Variants in ARAP1 observed in about 807,000 individuals in gnomAD.
The protein encoded by ARAP1 is arf-GAP with Rho-GAP domain, ANK repeat and PH domain-containing protein 1.
ARAP1 carries 76 observed loss-of-function variants against 172.2 expected under a neutral mutation model. The ratio of observed to expected loss-of-function variants is 0.44; its 90% CI spans 0.37 to 0.53. ARAP1 has a LOEUF of 0.53. Among genes scored for constraint, ARAP1 ranks in the 20% least tolerant of loss-of-function variants. ARAP1 has a pLI of 0.00. For missense variants in ARAP1, 1,686 were observed against 1,977.5 expected (o/e 0.85, Z 2.80); for synonymous variants, 804 against 803.3 (o/e 1.00, Z -0.01).
At position 72,685,569 on chromosome 11, in the gene ARAP1, C is replaced by A; in HGVS notation, c.*95G>T. 1 of 1,546,398 alleles carries A rather than the reference C, an allele frequency of 6.5e-7. No individual in the cohort carries two copies. The highest frequency in any genetic ancestry group is 1.1e-5 in the South Asian group (1 of 89,604). On this transcript the variant is annotated 3_prime_UTR_variant, in exon 35 of 35. Transcript: ENST00000393609. Reference sequence around the variant, plus strand: ...TGTGGGGTGCAGTTTCCCATGCACCCCCCGCTGGCTCACATCAGGCCTTGG... The same window carrying A: ...TGTGGGGTGCAGTTTCCCATGCACCACCCGCTGGCTCACATCAGGCCTTGG...
rs757748235 is a variant in ARAP1, at chr11:72,697,373, G to A, written c.2903C>T (p.Ser968Leu). The change falls in exon 21 of 35, where the codon TCG becomes TTG. Residue 968 changes from serine to leucine, a missense_variant. By Grantham distance (145) the Ser-to-Leu change is moderately radical. This residue lies in a region of ARAP1 where 274 missense variants were observed against 262.7 expected (regional missense o/e 1.04). Coordinates refer to ENST00000393609, the MANE Select transcript of ARAP1 (RefSeq NM_001040118.3). ...DTLSEQQLGDSDIPVIVYRCV... is the reference protein window; with the variant it reads ...DTLSEQQLGDLDIPVIVYRCV... Reference sequence around the variant, plus strand: ...GCGGTACACGATCACCGGGATATCCGAGTCCCCAAGCTGCTGCTCCGACAG... The same window carrying A: ...GCGGTACACGATCACCGGGATATCCAAGTCCCCAAGCTGCTGCTCCGACAG... The A allele has an allele frequency of 6.2e-7, 1 of 1,607,326 alleles. No individual in the cohort carries two copies. Among genetic ancestry groups the A allele is most frequent in the Non-Finnish European group, 8.5e-7 (1 of 1,177,188 alleles).
chr11:72,750,285 CGGGCCTGGAGCCCA>C (rs1858494472), intron 1 of ARAP1, among the ~76,000 whole-genome samples: 1 of 152,142 alleles, frequency 6.6e-6, no homozygotes, highest in South Asian at 2.1e-4. Flanking sequence ...GCTGGACAGG[CGGGCCTGGAGCCCA>C]GGGCCTGCCT....
intron 30 of ARAP1, among the ~76,000 whole-genome samples, chr11:72,690,999 G>A (rs894554429): frequency 1.6e-4 from 24 of 152,254 alleles, no homozygotes; most frequent in Non-Finnish European, 4.4e-5. Context: ...GCCTCTGCCA[G>A]GCCAGAGGTG....
intron 1 of ARAP1, among the ~76,000 whole-genome samples, chr11:72,736,771 C>A (rs1858041348): frequency 6.6e-6 from 1 of 152,172 alleles, no homozygotes; most frequent in South Asian, 2.1e-4. Context: ...TGCCTTCGAG[C>A]ACTCCTTGGT....
chr11:72,699,290 T>C lies in ARAP1; in HGVS notation c.2438+127A>G. ...GCCTCAAGAGACTGGAGTCGGCCCTTGTGCAGCCTCCGTTTGCTGTGTGAC... is the reference window on the plus strand; with the variant it reads ...GCCTCAAGAGACTGGAGTCGGCCCTCGTGCAGCCTCCGTTTGCTGTGTGAC... On this transcript the variant is annotated intron_variant, in intron 17 of 34. Transcript: ENST00000393609. The surrounding 1 kb of genome is among the most constrained non-coding windows in gnomAD (Gnocchi z 4.2). 6.8e-7 allele frequency: 1 copy of C among 1,479,524 alleles called. No individual in the cohort carries two copies. The highest frequency in any genetic ancestry group is 9.2e-7 in the Non-Finnish European group (1 of 1,092,334). The allele number at this position is 1,479,524 out of a possible 1,614,324, so 91.6% of individuals were successfully genotyped here.
intron 1 of ARAP1, among the ~76,000 whole-genome samples, chr11:72,744,884 C>A (rs141334682): frequency 6.6e-6 from 1 of 152,332 alleles, no homozygotes; most frequent in East Asian, 1.9e-4. Context: ...CCCCCTGGAT[C>A]TTCAGACTCC....
intron 3 of ARAP1, among the ~76,000 whole-genome samples, chr11:72,719,778 C>T (rs997504382): frequency 1.5e-4 from 23 of 152,166 alleles, no homozygotes; most frequent in Non-Finnish European, 1.5e-4. Flanking sequence ...TGGACTCACC[C>T]CACTACTCAC....
At position 72,712,549 on chromosome 11, in the gene ARAP1, C is replaced by T. The variant is rs200662872; in HGVS notation, c.767G>A (p.Arg256Gln). 1.1e-4 allele frequency: 176 copies of T among 1,613,240 alleles called. No homozygotes were observed. The East Asian group carries it at 2.4e-3, about 22-fold the overall frequency. ...GGCCACGCGCACGGCCCGTGGGACT[C>T]GGCTCGGTGGGGGCTCCTCCTGCCC... ...MTKKEEPPPS[R>Q]VPRAVRVASL... The change falls in exon 6 of 35, where the codon CGA becomes CAA. Residue 256 changes from arginine (R) to glutamine (Q), a missense_variant. By Grantham distance (43) the Arg-to-Gln change is conservative (BLOSUM62 1). Around this residue, in one of 5 missense-constraint regions of ARAP1, gnomAD observed 155 missense variants for 129.2 expected, o/e 1.20. Coordinates refer to ENST00000393609, the MANE Select transcript of ARAP1 (RefSeq NM_001040118.3).
At chr11:72,687,174 T>G (rs1855726980) in intron 33 of ARAP1, 2 of 528,028 alleles carry the variant, frequency 3.8e-6, no homozygotes, top group Non-Finnish European at 6.9e-6. Context: ...AACTGGCCAC[T>G]TCTGAGTCTG....
chr11:72,687,351 G>A (rs1855735454), intron 33 of ARAP1, 88 bp downstream of exon 33: 1 of 1,523,192 alleles, frequency 6.6e-7, no homozygotes, highest in African/African-American at 1.4e-5. Context: ...CAAGGGGTGG[G>A]TTGAATAGCA....
rs1856034693 is a variant in ARAP1 at position 72,693,568 on chromosome 11, C to T, written c.3809-98G>A. 2 of 1,539,526 alleles carry T rather than the reference C, an allele frequency of 1.3e-6. No individual in the cohort carries two copies. The highest frequency in any genetic ancestry group is 1.2e-5 in the South Asian group (1 of 81,016). On this transcript the variant is annotated intron_variant, in intron 28 of 34. Coordinates refer to ENST00000393609, the MANE Select transcript of ARAP1 (RefSeq NM_001040118.3). The surrounding 1 kb of genome is among the most constrained non-coding windows in gnomAD (Gnocchi z 4.6). Reference sequence around the variant, plus strand: ...GCTGCCCCATCCTGCCCCAGCCTCTCCATAGAGGCCCACCCACTTGGCGCC... The same window carrying T: ...GCTGCCCCATCCTGCCCCAGCCTCTTCATAGAGGCCCACCCACTTGGCGCC...
intron 2 of ARAP1, among the ~76,000 whole-genome samples, chr11:72,729,923 T>TAA (rs11287535): frequency 2.2e-5 from 3 of 134,656 alleles, no homozygotes; most frequent in Non-Finnish European, 4.8e-5. Flanking sequence ...AGACTGTCTC[T>TAA]AAAAAAAAAA....
At chr11:72,751,603 C>A (rs1471151213) in intron 1 of ARAP1, among the ~76,000 whole-genome samples, 1 of 152,092 alleles carries the variant, frequency 6.6e-6, no homozygotes, top group Non-Finnish European at 1.5e-5. Flanking sequence ...GGCCCTGAAG[C>A]ACCCCCCTCC....
In ARAP1 at chr11:72,707,184, G is replaced by T; in HGVS notation, c.1714C>A (p.Arg572Ser). The change falls in exon 12 of 35, where the codon CGC (arginine) becomes AGC (serine). Residue 572 changes from arginine to serine, a missense_variant. By Grantham distance (110) the Arg-to-Ser change is moderately radical (BLOSUM62 -1). Coordinates refer to ENST00000393609, the MANE Select transcript of ARAP1 (RefSeq NM_001040118.3). ...ACCCCCATGCACACACCTGCACAGC[G>T]CTTGCAGATAACAACACAGAGGTTG... ...SINLCVVICKRCAGEHRGLGA... is the reference protein window; with the variant it reads ...SINLCVVICKSCAGEHRGLGA... The T allele has an allele frequency of 1.3e-6, 2 of 1,590,988 alleles. No individual in the cohort carries two copies. The highest frequency in any genetic ancestry group is 1.8e-5 in the Admixed American group (1 of 56,794).
intron 1 of ARAP1, among the ~76,000 whole-genome samples, 199 bp downstream of exon 1, chr11:72,752,129 C>G (rs893211589): frequency 6.6e-6 from 1 of 152,238 alleles, no homozygotes; most frequent in Admixed American, 6.5e-5. Context: ...GGTTCACCCC[C>G]CTTCCCTACC....
At chr11:72,712,594 A>G in intron 5 of ARAP1, 26 bp from the exon 6 acceptor site, 3 of 1,609,564 alleles carry the variant, frequency 1.9e-6, no homozygotes, top group Non-Finnish European at 2.5e-6. Flanking sequence ...ACTCAGCGTC[A>G]TCCTTCCCTT....
chr11:72,719,000 C>G (rs916973800), intron 3 of ARAP1, among the ~76,000 whole-genome samples: 6 of 152,224 alleles, frequency 3.9e-5, no homozygotes, highest in African/African-American at 1.4e-4. Context: ...CATTCATCTA[C>G]TCACAGTGCT....
intron 19 of ARAP1, 85 bp from the exon 20 acceptor site, chr11:72,697,734 C>A: frequency 6.3e-7 from 1 of 1,576,724 alleles, no homozygotes; most frequent in East Asian, 2.3e-5. Flanking sequence ...CACACACACC[C>A]TTGAGACCCG....
At chr11:72,709,660 C>T (rs1292859394) in intron 11 of ARAP1, among the ~76,000 whole-genome samples, 1 of 151,676 alleles carries the variant, frequency 6.6e-6, no homozygotes, top group East Asian at 1.9e-4. Flanking sequence ...ACAGCAGTTG[C>T]CAAGCAGCAC....
Sources: gnomAD v4.1 joint callset for allele counts (sites outside exome capture counted in the v4.1 genomes callset) on GRCh38, gnomAD v4.1.1 for gene constraint, gnomAD v4.1.1 regional missense constraint, Gnocchi (gnomAD v3.1) non-coding constraint, MANE v1.5 for transcripts, NCBI Gene and HGNC (gene_info 2026-07-23, HGNC 2026-07-21) for gene names.